Variants in RAD51B observed in about 807,000 individuals in gnomAD.
The protein encoded by RAD51B is RAD51 paralog B, also known as DNA repair protein RAD51 homolog 2.
RAD51B carries 38 observed loss-of-function variants against 42.2 expected under a neutral mutation model. The ratio of observed to expected loss-of-function variants is 0.90; its 90% CI spans 0.70 to 1.18. The LOEUF (loss-of-function observed/expected upper bound fraction) is 1.18. RAD51B is among the 50% of genes most tolerant of loss of function. The pLI, the probability that RAD51B is intolerant of heterozygous loss-of-function variation, is 0.00. For missense variants in RAD51B, 373 were observed against 400.7 expected, an observed-to-expected ratio of 0.93 and a Z score of 0.59; for synonymous variants, 154 against 145.2, an observed-to-expected ratio of 1.06 and a Z score of -0.43.
chr14:68,433,757 ATTC>A (rs2085074808), intron 9 of RAD51B, among the ~76,000 whole-genome samples: 1 of 152,232 alleles, frequency 6.6e-6, no homozygotes, highest in Non-Finnish European at 1.5e-5. Context: ...CGTCAAGGTC[ATTC>A]TCCGTCCAGC....
At chr14:68,102,049 C>A (rs1254872477) in intron 7 of RAD51B, among the ~76,000 whole-genome samples, 1 of 152,236 alleles carries the variant, frequency 6.6e-6, no homozygotes, top group African/African-American at 2.4e-5. Context: ...CTCTCTGAAG[C>A]AATGGCCTGA....
At chr14:68,164,980 A>G (rs1469784446) in intron 7 of RAD51B, among the ~76,000 whole-genome samples, 1 of 152,240 alleles carries the variant, frequency 6.6e-6, no homozygotes, top group Non-Finnish European at 1.5e-5. Context: ...AGGGCCAGAT[A>G]AAACATTTTA....
intron 10 of RAD51B, among the ~76,000 whole-genome samples, chr14:68,576,720 C>T (rs1419052949): frequency 6.6e-6 from 1 of 152,104 alleles, no homozygotes; most frequent in East Asian, 1.9e-4. Flanking sequence ...TTTGGCTGCA[C>T]TGGAGGCAAG....
chr14:68,447,690 C>T (rs952374526), intron 9 of RAD51B, among the ~76,000 whole-genome samples: 11 of 151,944 alleles, frequency 7.2e-5, no homozygotes, highest in South Asian at 4.1e-4. Context: ...AAAGCAATTA[C>T]GAAATCATTT....
chr14:68,225,511 T>A (rs1312464954), intron 7 of RAD51B, among the ~76,000 whole-genome samples: 1 of 152,202 alleles, frequency 6.6e-6, no homozygotes, highest in East Asian at 1.9e-4. Flanking sequence ...GATGCTAATT[T>A]AGGGAACTAT....
chr14:67,874,580 A>G (rs1419438092), intron 5 of RAD51B, among the ~76,000 whole-genome samples: 1 of 152,124 alleles, frequency 6.6e-6, no homozygotes, highest in East Asian at 1.9e-4. Context: ...ACTGAGTTAC[A>G]GGGACTGCCT....
At chr14:67,907,885 GT>G (rs1030047281) in intron 7 of RAD51B, among the ~76,000 whole-genome samples, 6 of 152,114 alleles carry the variant, frequency 3.9e-5, no homozygotes, top group Admixed American at 6.5e-5. Context: ...GGGCAGTGAT[GT>G]TTTAGGCATG....
chr14:67,870,383 T>A (rs2042484087), intron 5 of RAD51B, among the ~76,000 whole-genome samples: 1 of 150,220 alleles, frequency 6.7e-6, no homozygotes, highest in Non-Finnish European at 1.5e-5. Context: ...CAAGAAGAGC[T>A]AACTATCCTA....
At chr14:68,371,055 A>AAAAAAAAAAAAAAAAAAAAAAAAT (rs2083249984) in intron 8 of RAD51B, among the ~76,000 whole-genome samples, 3 of 83,094 alleles carry the variant, frequency 3.6e-5, no homozygotes, top group Admixed American at 1.1e-4. Context: ...AAAAAAAAAA[A>AAAAAAAAAAAAAAAAAAAAAAAAT]GAAAAAAAGA....
chr14:68,110,515 C>G (rs2077443670), intron 7 of RAD51B, among the ~76,000 whole-genome samples: 1 of 151,922 alleles, frequency 6.6e-6, no homozygotes, highest in Admixed American at 6.6e-5. Flanking sequence ...ATCTTTGGGT[C>G]CCAAAAGTCT....
intron 7 of RAD51B, among the ~76,000 whole-genome samples, chr14:68,052,103 T>C (rs1161426436): frequency 6.6e-6 from 1 of 152,184 alleles, no homozygotes; most frequent in Non-Finnish European, 1.5e-5. Flanking sequence ...TCTCTTTATC[T>C]CAGTCTGCTT....
chr14:67,870,954 T>G (rs1401786601), intron 5 of RAD51B, among the ~76,000 whole-genome samples: 2 of 148,022 alleles, frequency 1.4e-5, no homozygotes, highest in African/African-American at 2.6e-5. Context: ...GAGGGAAATT[T>G]ATAGCACTAA....
chr14:68,613,176 G>A (rs889407486), downstream of RAD51B, among the ~76,000 whole-genome samples: 1 of 152,200 alleles, frequency 6.6e-6, no homozygotes, highest in Non-Finnish European at 1.5e-5. Context: ...AGCACTTTGG[G>A]AGGCCAAGGT....
intron 7 of RAD51B, among the ~76,000 whole-genome samples, chr14:67,975,736 C>G (rs758883103): frequency 7.2e-5 from 11 of 152,204 alleles, no homozygotes; most frequent in Non-Finnish European, 1.5e-4. Flanking sequence ...CAGTTGGCCC[C>G]CTTTGGCCAA....
intron 7 of RAD51B, among the ~76,000 whole-genome samples, chr14:68,227,160 A>C (rs963907170): frequency 2.0e-5 from 3 of 152,224 alleles, no homozygotes; most frequent in Non-Finnish European, 4.4e-5. Flanking sequence ...GATTGACATA[A>C]GTATCCTCCA....
rs73290218 is a variant in RAD51B, at chr14:68,235,291, A to G, written c.757-56593A>G. ...ATGATAGGAATTTTTCAGCTCCATT[A>G]TATTGTTGACCACGTAGCACATAAC... On this transcript the variant is annotated intron_variant, in intron 7 of 10. Coordinates refer to ENST00000471583, the MANE Select transcript of RAD51B (RefSeq NM_133510.4). 7.8e-3 allele frequency among the ~76,000 whole-genome samples: 1,179 copies of G among 151,982 alleles called. 15 individuals are homozygous for G. The highest frequency in any genetic ancestry group is 0.028 in the African/African-American group (1,142 of 41,438).
At chr14:67,880,331 A>G (rs991391868) in intron 5 of RAD51B, among the ~76,000 whole-genome samples, 8 of 152,250 alleles carry the variant, frequency 5.3e-5, no homozygotes, top group East Asian at 1.9e-4. Context: ...CAGAAAAACC[A>G]TAACTTATCT....
At chr14:68,112,472 A>G (rs908212521) in intron 7 of RAD51B, among the ~76,000 whole-genome samples, 1 of 152,156 alleles carries the variant, frequency 6.6e-6, no homozygotes, top group African/African-American at 2.4e-5. Context: ...GAATGTGCGT[A>G]GAGATACATG....
At chr14:68,339,681 C>T (rs537550173) in intron 8 of RAD51B, among the ~76,000 whole-genome samples, 4 of 152,220 alleles carry the variant, frequency 2.6e-5, no homozygotes, top group Non-Finnish European at 5.9e-5. Context: ...GGTGATTTAA[C>T]GTTACAGATG....
Sources: allele counts gnomAD v4.1 joint callset (sites outside exome capture counted in the v4.1 genomes callset), GRCh38; gene constraint gnomAD v4.1.1; transcripts MANE v1.5; gene names NCBI Gene and HGNC (gene_info 2026-07-23, HGNC 2026-07-21).